Variants in KITLG observed in about 807,000 individuals in gnomAD.
KITLG encodes KIT ligand, also known as c-Kit ligand.
KITLG carries 13 observed loss-of-function variants against 34.1 expected under a neutral mutation model. The observed-to-expected ratio is 0.38, with a 90% confidence interval of 0.25 to 0.61. The LOEUF (loss-of-function observed/expected upper bound fraction) is 0.61, where lower values mean the gene tolerates loss of function less well. Ranked by LOEUF, KITLG falls within the 20% of genes least tolerant of loss-of-function variation. The pLI, the probability that KITLG is intolerant of heterozygous loss-of-function variation, is 0.60. For missense variants in KITLG, 292 were observed against 318.9 expected (o/e 0.92, Z 0.64); for synonymous variants, 110 against 104.0 (o/e 1.06, Z -0.35).
chr12:88,513,063 A>C (rs1305621255), intron 6 of KITLG, among the ~76,000 whole-genome samples: 3 of 151,866 alleles, frequency 2.0e-5, no homozygotes, highest in Non-Finnish European at 3.0e-5. Context: ...ATTGAACTGC[A>C]TTGTGTATTG....
chr12:88,565,481 C>T (rs1011408265), intron 1 of KITLG, among the ~76,000 whole-genome samples: 5 of 151,936 alleles, frequency 3.3e-5, no homozygotes, highest in Non-Finnish European at 7.4e-5. Context: ...AAAAATTAGC[C>T]GGGAGTGGTG....
chr12:88,504,383 C>G (rs1253053350), intron 9 of KITLG, among the ~76,000 whole-genome samples: 1 of 152,014 alleles, frequency 6.6e-6, no homozygotes, highest in Non-Finnish European at 1.5e-5. Flanking sequence ...GACTAATATC[C>G]AGAATCTGCA....
chr12:88,508,945 A>C (rs1438557880), intron 6 of KITLG, among the ~76,000 whole-genome samples: 18 of 152,194 alleles, frequency 1.2e-4, no homozygotes, highest in Admixed American at 1.2e-3. Context: ...CAGGGTTACA[A>C]ACAATTCGCA....
intron 1 of KITLG, among the ~76,000 whole-genome samples, chr12:88,575,608 A>C (rs1203157323): frequency 6.6e-6 from 1 of 152,210 alleles, no homozygotes; most frequent in Non-Finnish European, 1.5e-5. Context: ...TATACAAAAC[A>C]ACCCTGAAAG....
At chr12:88,555,225 G>A (rs750502158) in intron 1 of KITLG, among the ~76,000 whole-genome samples, 13 of 152,086 alleles carry the variant, frequency 8.5e-5, no homozygotes, top group African/African-American at 2.4e-4. Flanking sequence ...ATCAGTCCTC[G>A]TTCTACATGT....
At chr12:88,574,325 G>A (rs780592751) in intron 1 of KITLG, among the ~76,000 whole-genome samples, 1 of 151,962 alleles carries the variant, frequency 6.6e-6, no homozygotes. Flanking sequence ...AAGGGCTACG[G>A]CTAGCTGCTG....
At chr12:88,547,236 T>C (rs1870750581) in intron 1 of KITLG, among the ~76,000 whole-genome samples, 1 of 152,238 alleles carries the variant, frequency 6.6e-6, no homozygotes, top group Non-Finnish European at 1.5e-5. Flanking sequence ...TCAATTAATA[T>C]CTGCATGCTA....
intron 1 of KITLG, among the ~76,000 whole-genome samples, chr12:88,554,351 C>T (rs1283866753): frequency 6.6e-6 from 1 of 152,178 alleles, no homozygotes; most frequent in Admixed American, 6.5e-5. Flanking sequence ...GTCCATATTA[C>T]AGACGTCACA....
chr12:88,517,880 C>T (rs1869511437), intron 4 of KITLG, among the ~76,000 whole-genome samples: 1 of 152,084 alleles, frequency 6.6e-6, no homozygotes, highest in African/African-American at 2.4e-5. Context: ...GTACAGAATC[C>T]TGCTTAAAAC....
rs568417136 is a variant in KITLG, at chr12:88,502,344, C to A, written c.*37+2815G>T. The stretch of plus-strand genomic sequence containing the variant: ...ATTATATTCCCCCTTGATATGCATA[C>A]CTTGCTGTCTCATTAATCCAACCCA... On this transcript the variant is annotated intron_variant, in intron 9 of 9. Transcript: ENST00000644744. 3.9e-5 allele frequency among the ~76,000 whole-genome samples: 6 copies of A among 152,194 alleles called. No individual in the cohort carries two copies. The South Asian group carries it at 1.0e-3, about 26-fold the overall frequency.
intron 1 of KITLG, among the ~76,000 whole-genome samples, chr12:88,562,234 T>C (rs1871320197): frequency 6.6e-6 from 1 of 152,220 alleles, no homozygotes. Flanking sequence ...AAAATTCTCT[T>C]TTATATGGTA....
intron 9 of KITLG, among the ~76,000 whole-genome samples, chr12:88,500,057 C>G (rs992843441): frequency 6.6e-6 from 1 of 152,142 alleles, no homozygotes; most frequent in Non-Finnish European, 1.5e-5. Flanking sequence ...AATTCAAACC[C>G]TTTCTCAAAC....
chr12:88,565,633 A>C (rs1196836090), intron 1 of KITLG, among the ~76,000 whole-genome samples: 4 of 152,212 alleles, frequency 2.6e-5, no homozygotes, highest in Admixed American at 2.6e-4. Flanking sequence ...AAACAAACAA[A>C]GAAACAAACA....
At chr12:88,569,868 G>T (rs1178610705) in intron 1 of KITLG, among the ~76,000 whole-genome samples, 5 of 152,014 alleles carry the variant, frequency 3.3e-5, no homozygotes, top group African/African-American at 1.2e-4. Flanking sequence ...AAAATCTTGC[G>T]ATATTAATGC....
In KITLG at chr12:88,580,377, T is replaced by G. The variant is rs1282807455; in HGVS notation, c.-99A>C. On this transcript the variant is annotated 5_prime_UTR_variant, in exon 1 of 10. Coordinates refer to ENST00000644744, the MANE Select transcript of KITLG (RefSeq NM_000899.5). ...ATATTGCACGAACAGCGGCGGCAGA[T>G]AGTCCACGCATTGGGTAGCCCGAGC... The G allele has an allele frequency of 1.4e-6, 2 of 1,394,876 alleles. No individual in the cohort carries two copies. Among genetic ancestry groups the G allele is most frequent in the Non-Finnish European group, 1.0e-6 (1 of 998,478 alleles). 86.4% of individuals were successfully genotyped at this position (1,394,876 alleles called of 1,614,324 possible). A position where few individuals can be genotyped will look rare whatever the true frequency, so the allele number is the denominator to read the frequency against.
intron 2 of KITLG, among the ~76,000 whole-genome samples, chr12:88,537,244 C>T (rs1430889203): frequency 6.6e-6 from 1 of 151,860 alleles, no homozygotes; most frequent in Non-Finnish European, 1.5e-5. Flanking sequence ...CAACAATGGA[C>T]TGAATAAAGA....
At chr12:88,514,003 GACA>G (rs1869370463) in intron 6 of KITLG, among the ~76,000 whole-genome samples, 1 of 151,460 alleles carries the variant, frequency 6.6e-6, no homozygotes, top group Non-Finnish European at 1.5e-5. Flanking sequence ...TATGTTTTCT[GACA>G]ACAAAATTCA....
At chr12:88,531,240 A>G (rs900471687) in intron 3 of KITLG, among the ~76,000 whole-genome samples, 1 of 152,220 alleles carries the variant, frequency 6.6e-6, no homozygotes, top group African/African-American at 2.4e-5. Flanking sequence ...CCTGCTCTAC[A>G]TAACACTAGT....
At chr12:88,563,080 C>G (rs988853312) in intron 1 of KITLG, among the ~76,000 whole-genome samples, 1 of 152,200 alleles carries the variant, frequency 6.6e-6, no homozygotes, top group African/African-American at 2.4e-5. Flanking sequence ...TATTGTAATA[C>G]GCAACCATAA....
Sources: gnomAD v4.1 joint callset for allele counts (sites outside exome capture counted in the v4.1 genomes callset) on GRCh38, gnomAD v4.1.1 for gene constraint, MANE v1.5 for transcripts, NCBI Gene and HGNC (gene_info 2026-07-23, HGNC 2026-07-21) for gene names.